Variants in TNRC6B observed in about 807,000 individuals in gnomAD.
TNRC6B encodes trinucleotide repeat containing adaptor 6B.
Under a neutral mutation model 203.6 loss-of-function variants are expected in TNRC6B, and 52 were observed. The ratio of observed to expected loss-of-function variants is 0.26; its 90% CI spans 0.20 to 0.32. TNRC6B has a LOEUF of 0.32. TNRC6B is among the 10% of genes least tolerant of loss of function. The pLI is 1.00. For synonymous variants in TNRC6B, 838 were observed against 845.7 expected (o/e 0.99, Z 0.16); for missense variants, 1,923 against 2,286.2 (o/e 0.84, Z 3.24).
chr22:40,241,020 A>G (rs2070021349), intron 1 of TNRC6B, among the ~76,000 whole-genome samples: 2 of 152,220 alleles, frequency 1.3e-5, no homozygotes, highest in Admixed American at 6.5e-5. Flanking sequence ...AACCCTAGCT[A>G]CATGTTAGAA....
chr22:40,256,116 G>T (rs2070273289), intron 3 of TNRC6B, among the ~76,000 whole-genome samples: 1 of 152,188 alleles, frequency 6.6e-6, no homozygotes, highest in South Asian at 2.1e-4. Context: ...AATGATATGT[G>T]GGTGGGGGAA....
rs995358718 is a variant in TNRC6B, at chr22:40,259,413, T to A, written c.116-2419T>A. Among the ~76,000 whole-genome samples the A allele has an allele frequency of 7.9e-5, 12 of 152,192 alleles. No individual in the cohort carries two copies. The South Asian group carries it at 2.5e-3, about 32-fold the overall frequency. On this transcript the variant is annotated intron_variant, in intron 3 of 22. Transcript: ENST00000454349. ...TAATTTTTGTATTTTTAGTAGAGAC[T>A]AGGTTTCACAATGTCGGCCAGGATG...
At position 40,301,144 on chromosome 22, in the gene TNRC6B, C is replaced by T; in HGVS notation, c.3937-6C>T. ...TTATCACGTGTCTGTCTCTCTTGGC[C>T]CTCAGCTGGCTCGAATGGTGAGTGC... On this transcript the variant is annotated splice_region_variant and splice_polypyrimidine_tract_variant and intron_variant, in intron 14 of 22. Coordinates refer to ENST00000454349, the MANE Select transcript of TNRC6B (RefSeq NM_001162501.2). The T allele has an allele frequency of 1.3e-6, 2 of 1,552,342 alleles. No homozygotes were observed. Among genetic ancestry groups the T allele is most frequent in the Non-Finnish European group, 1.7e-6 (2 of 1,147,510 alleles).
In TNRC6B at chr22:40,323,304, C is replaced by T. The variant is rs2071363156; in HGVS notation, c.*63C>T. 4.0e-6 allele frequency: 6 copies of T among 1,496,204 alleles called. No individual in the cohort carries two copies. The South Asian group carries it at 5.1e-5, about 13-fold the overall frequency. The allele number at this position is 1,496,204 out of a possible 1,614,324, so 92.7% of individuals were successfully genotyped here. A position where few individuals can be genotyped will look rare whatever the true frequency, so the allele number is the denominator to read the frequency against. ...GGAACAGCAGCAGCACTAACTTGAC[C>T]TTTTCGTTTTTTTTTTCAACTTGCA... is the stretch of plus-strand genomic sequence containing the variant. On this transcript the variant is annotated 3_prime_UTR_variant, in exon 23 of 23. Transcript: ENST00000454349.
chr22:40,220,307 G>A (rs2069690867), intron 1 of TNRC6B, among the ~76,000 whole-genome samples: 1 of 152,184 alleles, frequency 6.6e-6, no homozygotes, highest in Non-Finnish European at 1.5e-5. Context: ...GTAATTCCCA[G>A]TGTGACCAGG....
At chr22:40,276,331 A>AG (rs1276341087) in intron 7 of TNRC6B, among the ~76,000 whole-genome samples, 11 of 150,776 alleles carry the variant, frequency 7.3e-5, no homozygotes, top group African/African-American at 2.4e-4. Context: ...TGGGTGACAG[A>AG]GAAAAAAAAA....
chr22:40,066,945 C>G (rs1166128263), intron 1 of TNRC6B, among the ~76,000 whole-genome samples: 8 of 149,954 alleles, frequency 5.3e-5, no homozygotes, highest in Admixed American at 2.7e-4. Flanking sequence ...CACTCTGTCA[C>G]CAGGCTGGAG....
chr22:40,308,429 A>C, intron 15 of TNRC6B, 83 bp from the exon 16 acceptor site: 1 of 1,488,740 alleles, frequency 6.7e-7, no homozygotes. Context: ...TTTGAATGAC[A>C]CTTGAAGGCA....
At chr22:40,234,124 A>G (rs900441288) in intron 1 of TNRC6B, among the ~76,000 whole-genome samples, 2 of 152,196 alleles carry the variant, frequency 1.3e-5, no homozygotes, top group Non-Finnish European at 2.9e-5. Flanking sequence ...CATCTGTACA[A>G]AAAATTAAAA....
intron 1 of TNRC6B, among the ~76,000 whole-genome samples, chr22:40,055,660 A>G (rs1464793595): frequency 6.6e-6 from 1 of 152,336 alleles, no homozygotes; most frequent in East Asian, 1.9e-4. Context: ...TAGTTAATAT[A>G]CTTGCTTCAG....
intron 3 of TNRC6B, among the ~76,000 whole-genome samples, chr22:40,146,513 G>C (rs2068696630): frequency 6.6e-6 from 1 of 150,948 alleles, no homozygotes. Flanking sequence ...TCCTACATCA[G>C]CCTCCCAAGT....
intron 2 of TNRC6B, among the ~76,000 whole-genome samples, chr22:40,125,558 T>C (rs934154887): frequency 6.6e-6 from 1 of 152,078 alleles, no homozygotes; most frequent in Non-Finnish European, 1.5e-5. Context: ...TCTACCCTTC[T>C]CCCCCAAGAT....
intron 1 of TNRC6B, among the ~76,000 whole-genome samples, chr22:40,081,712 A>G (rs565663375): frequency 6.6e-6 from 1 of 152,348 alleles, no homozygotes; most frequent in South Asian, 2.1e-4. Context: ...ATGAGACAGT[A>G]TCTCTGAAAC....
At chr22:40,141,400 T>C (rs2068643759) in intron 3 of TNRC6B, among the ~76,000 whole-genome samples, 1 of 151,766 alleles carries the variant, frequency 6.6e-6, no homozygotes, top group Non-Finnish European at 1.5e-5. Flanking sequence ...GAGACCATGC[T>C]GCCCCCAGGC....
At position 40,329,323 on chromosome 22, in the gene TNRC6B, T is replaced by C. The variant is rs2071439305; in HGVS notation, c.*6082T>C. On this transcript the variant is annotated 3_prime_UTR_variant, in exon 23 of 23. Transcript: ENST00000454349. ...CATTCTGTAAGAAAACAGAATATTA[T>C]CTAGATTTCCAGAGTTAGTGCAGAC... is the stretch of plus-strand genomic sequence containing the variant. The C allele has an allele frequency of 6.6e-6, 1 of 152,248 alleles. No homozygotes were observed. Among genetic ancestry groups the C allele is most frequent in the Non-Finnish European group, 1.5e-5 (1 of 68,044 alleles). The allele number at this position is 152,248 out of a possible 1,614,324, so 9.4% of individuals were successfully genotyped here. A position where few individuals can be genotyped will look rare whatever the true frequency, so the allele number is the denominator to read the frequency against.
chr22:40,153,673 A>G (rs2068782275), intron 3 of TNRC6B, among the ~76,000 whole-genome samples: 1 of 151,944 alleles, frequency 6.6e-6, no homozygotes. Flanking sequence ...TATATTTACT[A>G]CATAATAGCA....
At chr22:40,301,442 G>A (rs939079214) in intron 15 of TNRC6B, 109 bp downstream of exon 15, 5 of 1,188,278 alleles carry the variant, frequency 4.2e-6, no homozygotes, top group Non-Finnish European at 5.8e-6. Flanking sequence ...GTACAAGGTA[G>A]GTAAATATTC....
At chr22:40,143,641 C>T (rs374589121) in intron 3 of TNRC6B, among the ~76,000 whole-genome samples, 32 of 152,148 alleles carry the variant, frequency 2.1e-4, no homozygotes, top group Middle Eastern at 3.4e-3. Flanking sequence ...GGACTACAGG[C>T]GCCCACCACC....
At chr22:40,277,700 C>T (rs2070664815) in intron 8 of TNRC6B, among the ~76,000 whole-genome samples, 1 of 152,202 alleles carries the variant, frequency 6.6e-6, no homozygotes, top group Non-Finnish European at 1.5e-5. Flanking sequence ...GAATTTGATC[C>T]TGGGCTGACT....
Sources: gnomAD v4.1 joint callset for allele counts (sites outside exome capture counted in the v4.1 genomes callset) on GRCh38, gnomAD v4.1.1 for gene constraint, MANE v1.5 for transcripts, NCBI Gene and HGNC (gene_info 2026-07-23, HGNC 2026-07-21) for gene names.